The following FRMD4A variants were observed in gnomAD, a reference collection of about 807,000 sequenced individuals.
FRMD4A encodes the protein FERM domain containing 4A.
A neutral mutation model predicts 129.1 loss-of-function variants in FRMD4A; 29 were observed. The ratio of observed to expected loss-of-function variants is 0.22; its 90% CI spans 0.17 to 0.31. The LOEUF is 0.31. FRMD4A is among the 10% of genes least tolerant of loss of function. The pLI is 1.00. For missense variants in FRMD4A, 1,272 were observed against 1,375.8 expected (o/e 0.92, Z 1.19); for synonymous variants, 634 against 571.6 (o/e 1.11, Z -1.56).
chr10:13,837,506 G>C (rs562000886), intron 3 of FRMD4A, among the ~76,000 whole-genome samples: 2 of 152,334 alleles, frequency 1.3e-5, no homozygotes, highest in East Asian at 3.9e-4. Context: ...GCTGGCAGTG[G>C]GGAGACTACA....
At chr10:14,044,709 G>C (rs933162084) in intron 2 of FRMD4A, among the ~76,000 whole-genome samples, 4 of 152,202 alleles carry the variant, frequency 2.6e-5, no homozygotes, top group African/African-American at 9.6e-5. Context: ...TGGGCACTGT[G>C]GAAGAACAGA....
At chr10:13,708,053 G>T in intron 12 of FRMD4A, 1 of 193,962 alleles carries the variant, frequency 5.2e-6, no homozygotes, top group Non-Finnish European at 9.4e-6. Context: ...ATTAATATTT[G>T]CTGGTTACTG....
intron 2 of FRMD4A, among the ~76,000 whole-genome samples, chr10:13,979,894 G>T (rs2095554698): frequency 6.6e-6 from 1 of 152,218 alleles, no homozygotes; most frequent in African/African-American, 2.4e-5. Flanking sequence ...CCCTGGTGCA[G>T]CTGAAACTCT....
intron 2 of FRMD4A, among the ~76,000 whole-genome samples, chr10:14,211,926 G>A (rs1842943119): frequency 6.6e-6 from 1 of 152,204 alleles, no homozygotes; most frequent in African/African-American, 2.4e-5. Context: ...TGATGCCTCA[G>A]CACTGGGGAA....
intron 2 of FRMD4A, among the ~76,000 whole-genome samples, chr10:14,188,046 A>G (rs1336488778): frequency 1.3e-5 from 2 of 152,054 alleles, no homozygotes; most frequent in Non-Finnish European, 2.9e-5. Context: ...TTAAAACTCT[A>G]ACCTCCTTTC....
At chr10:14,004,225 A>C (rs1269597409) in intron 2 of FRMD4A, among the ~76,000 whole-genome samples, 2 of 152,216 alleles carry the variant, frequency 1.3e-5, no homozygotes, top group African/African-American at 4.8e-5. Context: ...GTGTGTCTAA[A>C]TATAAAAAAT....
intron 2 of FRMD4A, among the ~76,000 whole-genome samples, chr10:14,282,076 A>G (rs867037882): frequency 2.6e-5 from 4 of 152,208 alleles, no homozygotes; most frequent in Non-Finnish European, 5.9e-5. Context: ...AGAACCAAGC[A>G]AAAGGGGTTT....
chr10:14,021,188 T>C (rs1832728051), intron 2 of FRMD4A, among the ~76,000 whole-genome samples: 1 of 152,068 alleles, frequency 6.6e-6, no homozygotes, highest in African/African-American at 2.4e-5. Flanking sequence ...CTCAATTTTC[T>C]TTGGGGATGT....
chr10:14,240,589 C>T (rs1436260216), intron 2 of FRMD4A, among the ~76,000 whole-genome samples: 1 of 152,146 alleles, frequency 6.6e-6, no homozygotes, highest in African/African-American at 2.4e-5. Context: ...TTCGGATCCC[C>T]TCACAAATCC....
rs577912764 is a variant in FRMD4A, at chr10:14,193,557, C to A, written c.45+136501G>T. On this transcript the variant is annotated intron_variant, in intron 2 of 24. Coordinates refer to ENST00000357447, the MANE Select transcript of FRMD4A (RefSeq NM_018027.5). The stretch of plus-strand genomic sequence containing the variant: ...GAGGGATGAATTCAGAACAAGACCC[C>A]ATATGGTTTTTGAAGAACATACAAT... 1.7e-4 allele frequency among the ~76,000 whole-genome samples: 26 copies of A among 150,344 alleles called. No individual in the cohort carries two copies. The East Asian group carries it at 4.6e-3, about 27-fold the overall frequency.
At chr10:14,150,345 T>G (rs1349316877) in intron 2 of FRMD4A, among the ~76,000 whole-genome samples, 3 of 152,246 alleles carry the variant, frequency 2.0e-5, no homozygotes, top group Non-Finnish European at 4.4e-5. Flanking sequence ...TGTGAACTGC[T>G]GATAAGTAGT....
At chr10:14,185,619 T>C (rs960388947) in intron 2 of FRMD4A, among the ~76,000 whole-genome samples, 1 of 80,200 alleles carries the variant, frequency 1.2e-5, no homozygotes, top group Non-Finnish European at 2.8e-5. Flanking sequence ...AGAAAGGGGA[T>C]ATATACTTCA....
rs575477937 is a variant in FRMD4A at position 14,305,188 on chromosome 10, T to C, written c.45+24870A>G. Among the ~76,000 whole-genome samples the C allele has an allele frequency of 1.1e-4, 16 of 152,356 alleles. No homozygotes were observed. The South Asian group carries it at 3.3e-3, about 32-fold the overall frequency. ...TGAAAAGCAGTTAGTGAAAGATTTT[T>C]AGGTCCACAGAAATGCTCAGGGGAA... On this transcript the variant is annotated intron_variant, in intron 2 of 24. Coordinates refer to ENST00000357447, the MANE Select transcript of FRMD4A (RefSeq NM_018027.5).
intron 2 of FRMD4A, among the ~76,000 whole-genome samples, chr10:13,969,146 C>A (rs2095503148): frequency 6.6e-6 from 1 of 152,256 alleles, no homozygotes; most frequent in African/African-American, 2.4e-5. Context: ...GCCCCTCGGC[C>A]TGGCTCTGCA....
Position 14,260,296 on chromosome 10 carries a change from T to C in FRMD4A, c.45+69762A>G, listed in dbSNP as rs1242898495. Among the ~76,000 whole-genome samples, 9 of 152,168 alleles carry C rather than the reference T, an allele frequency of 5.9e-5. No homozygotes were observed. The South Asian group carries it at 1.0e-3, about 18-fold the overall frequency. ...GGAGTTTGGCATGAGGATCTATTTA[T>C]CCTTGAGTAAACTAGCAGAGTTTTA... On this transcript the variant is annotated intron_variant, in intron 2 of 24. Coordinates refer to ENST00000357447, the MANE Select transcript of FRMD4A (RefSeq NM_018027.5).
At chr10:13,878,222 C>CAAAAAAAAAAAA (rs34559071) in intron 2 of FRMD4A, among the ~76,000 whole-genome samples, 1 of 91,338 alleles carries the variant, frequency 1.1e-5, no homozygotes, top group African/African-American at 4.1e-5. Context: ...CTACTTGTAG[C>CAAAAAAAAAAAA]AAAAAAAAAA....
intron 2 of FRMD4A, among the ~76,000 whole-genome samples, chr10:14,077,497 G>A (rs1374331159): frequency 6.6e-6 from 1 of 152,164 alleles, no homozygotes; most frequent in Non-Finnish European, 1.5e-5. Context: ...TGCAAAGTCT[G>A]AAACTGTGCC....
intron 14 of FRMD4A, among the ~76,000 whole-genome samples, chr10:13,697,389 C>T (rs1391474961): frequency 6.6e-6 from 1 of 152,162 alleles, no homozygotes; most frequent in Non-Finnish European, 1.5e-5. Flanking sequence ...CTTAGGTGAT[C>T]TGCCCGACTC....
At chr10:14,236,995 CAAAAAAAAAAAAAAA>C (rs71477244) in intron 2 of FRMD4A, among the ~76,000 whole-genome samples, 2 of 75,394 alleles carry the variant, frequency 2.7e-5, no homozygotes, top group Non-Finnish European at 5.1e-5. Flanking sequence ...AACAGGTCAG[CAAAAAAAAAAAAAAA>C]AAAAAAAAAA....
Sources: allele counts gnomAD v4.1 joint callset (sites outside exome capture counted in the v4.1 genomes callset), GRCh38; gene constraint gnomAD v4.1.1; transcripts MANE v1.5; gene names NCBI Gene and HGNC (gene_info 2026-07-23, HGNC 2026-07-21).